Variants in PKD2 observed in about 807,000 individuals in gnomAD.
The protein encoded by PKD2 is polycystin 2, transient receptor potential cation channel.
A neutral mutation model predicts 105.9 loss-of-function variants in PKD2; 48 were observed. The observed-to-expected ratio is 0.45, with a 90% CI of 0.36 to 0.58. The LOEUF (loss-of-function observed/expected upper bound fraction) is 0.58, where lower values mean the gene tolerates loss of function less well. Ranked by LOEUF, PKD2 falls within the 20% of genes least tolerant of loss-of-function variation. The pLI, the probability that PKD2 is intolerant of heterozygous loss-of-function variation, is 0.00. For synonymous variants in PKD2, 464 were observed against 481.1 expected (o/e 0.96, Z 0.46); for missense variants, 1,078 against 1,255.3 (o/e 0.86, Z 2.13).
At chr4:88,073,550 T>C (rs1721118773) in intron 13 of PKD2, among the ~76,000 whole-genome samples, 1 of 150,546 alleles carries the variant, frequency 6.6e-6, no homozygotes, top group African/African-American at 2.4e-5. Context: ...AGTGGAAATG[T>C]TAGGATGAGA....
At chr4:88,067,605 G>C (rs1449876284) in intron 12 of PKD2, among the ~76,000 whole-genome samples, 1 of 152,132 alleles carries the variant, frequency 6.6e-6, no homozygotes, top group Admixed American at 6.5e-5. Context: ...CAAAGTATTA[G>C]GATTACAGGT....
In PKD2 at chr4:88,075,977, A is replaced by C; in HGVS notation, c.*283A>C. On this transcript the variant is annotated 3_prime_UTR_variant, in exon 15 of 15. Transcript: ENST00000237596. ...GTACGCCCAGTTGCCACCATGACTG[A>C]GTCTTCTCAGTTGACAATGAAGTAG... The C allele has an allele frequency of 5.4e-6, 2 of 367,902 alleles. No individual in the cohort carries two copies. The highest frequency in any genetic ancestry group is 1.0e-5 in the Non-Finnish European group (2 of 199,750). 22.8% of individuals were successfully genotyped at this position (367,902 alleles called of 1,614,324 possible). A position where few individuals can be genotyped will look rare whatever the true frequency, so the allele number is the denominator to read the frequency against.
At chr4:88,066,329 A>G (rs1181904616) in intron 12 of PKD2, among the ~76,000 whole-genome samples, 1 of 151,578 alleles carries the variant, frequency 6.6e-6, no homozygotes, top group Non-Finnish European at 1.5e-5. Context: ...TATTCTGGTT[A>G]GTTAGTGGCT....
At chr4:88,066,534 G>T (rs1257321042) in intron 12 of PKD2, among the ~76,000 whole-genome samples, 1 of 151,796 alleles carries the variant, frequency 6.6e-6, no homozygotes, top group Non-Finnish European at 1.5e-5. Context: ...GCTAATTTTT[G>T]TATTTGTAGT....
At chr4:88,050,718 AG>A (rs1457945102) in intron 6 of PKD2, among the ~76,000 whole-genome samples, 4 of 130,902 alleles carry the variant, frequency 3.1e-5, no homozygotes, top group African/African-American at 1.9e-4. Context: ...TCCTCATCTC[AG>A]GAGAAGCCTA....
At chr4:88,069,475 C>T (rs1720933135) in intron 13 of PKD2, among the ~76,000 whole-genome samples, 2 of 151,694 alleles carry the variant, frequency 1.3e-5, no homozygotes, top group Admixed American at 1.3e-4. Flanking sequence ...TTAGTTTATA[C>T]AATTAAGTTA....
rs139787413 is a variant in PKD2 at position 88,076,246 on chromosome 4, G to A, written c.*552G>A. 1.2e-3 allele frequency: 189 copies of A among 158,144 alleles called. No individual in the cohort carries two copies. Among genetic ancestry groups the A allele is most frequent in the Non-Finnish European group, 2.1e-3 (152 of 71,558 alleles). The allele number at this position is 158,144 out of a possible 1,614,324, so 9.8% of individuals were successfully genotyped here. On this transcript the variant is annotated 3_prime_UTR_variant, in exon 15 of 15. Coordinates refer to ENST00000237596, the MANE Select transcript of PKD2 (RefSeq NM_000297.4). ...GGAACTCCAAACTATGATAGAATCT[G>A]TGTGAATGGTTAAGATGAATGTTAA...
intron 4 of PKD2, 98 bp downstream of exon 4, chr4:88,038,599 G>T: frequency 7.8e-7 from 1 of 1,284,280 alleles, no homozygotes; most frequent in Non-Finnish European, 1.1e-6. Flanking sequence ...CTTCACCAAG[G>T]CAAAAATAAG....
At chr4:88,052,348 A>G (rs1465425897) in intron 7 of PKD2, among the ~76,000 whole-genome samples, 190 bp downstream of exon 7, 1 of 152,172 alleles carries the variant, frequency 6.6e-6, no homozygotes, top group Non-Finnish European at 1.5e-5. Context: ...AGCTCATTGC[A>G]GCCTCGACTT....
At chr4:88,010,788 A>T (rs978435712) in intron 1 of PKD2, among the ~76,000 whole-genome samples, 10 of 152,244 alleles carry the variant, frequency 6.6e-5, no homozygotes, top group Non-Finnish European at 1.3e-4. Flanking sequence ...TGAATCCAAG[A>T]TGGACAACAA....
chr4:88,075,651 T>C lies in PKD2; in HGVS notation c.2864T>C (p.Met955Thr), dbSNP rs1361444493. 6.2e-7 allele frequency: 1 copy of C among 1,614,094 alleles called. No individual in the cohort carries two copies. The highest frequency in any genetic ancestry group is 8.5e-7 in the Non-Finnish European group (1 of 1,179,974). Reference protein sequence around the residue: ...RPSSSQSTEGMEGAGGNGSSN... With the variant: ...RPSSSQSTEGTEGAGGNGSSN... ...TCTTCCTCCCAATCTACAGAAGGCATGGAAGGTGCAGGTGGAAATGGGAGT... is the reference window on the plus strand; with the variant it reads ...TCTTCCTCCCAATCTACAGAAGGCACGGAAGGTGCAGGTGGAAATGGGAGT... The change falls in exon 15 of 15, where the codon ATG becomes ACG. Residue 955 changes from methionine to threonine, a missense_variant. Met to Thr is a moderately conservative substitution (Grantham distance 81). Transcript: ENST00000237596.
At chr4:88,056,549 A>G (rs1009784596) in intron 8 of PKD2, among the ~76,000 whole-genome samples, 1 of 152,178 alleles carries the variant, frequency 6.6e-6, no homozygotes, top group Admixed American at 6.5e-5. Context: ...CTTTGCACCA[A>G]ATGCAGATGG....
chr4:88,072,540 C>A (rs1721073058), intron 13 of PKD2, among the ~76,000 whole-genome samples: 1 of 152,188 alleles, frequency 6.6e-6, no homozygotes, highest in South Asian at 2.1e-4. Flanking sequence ...TACTGCTTTA[C>A]AGAGCCAGGG....
intron 6 of PKD2, among the ~76,000 whole-genome samples, chr4:88,047,271 T>G (rs1727811849): frequency 6.6e-6 from 1 of 152,082 alleles, no homozygotes; most frequent in Admixed American, 6.6e-5. Flanking sequence ...TAAAAAAACT[T>G]GTCGGCCAGG....
intron 2 of PKD2, among the ~76,000 whole-genome samples, chr4:88,028,304 A>G (rs1727028116): frequency 6.6e-6 from 1 of 152,254 alleles, no homozygotes; most frequent in Non-Finnish European, 1.5e-5. Flanking sequence ...TGATAACAAG[A>G]TCAGTGAAGT....
intron 2 of PKD2, among the ~76,000 whole-genome samples, chr4:88,019,877 A>C (rs78039131): frequency 2.1e-3 from 327 of 152,348 alleles, no homozygotes; most frequent in African/African-American, 7.6e-3. Context: ...AATTGTGACT[A>C]AATTGTGACC....
Position 88,031,152 on chromosome 4 carries a change from A to G in PKD2, c.710-5068A>G, listed in dbSNP as rs75942010. 5.6e-3 allele frequency among the ~76,000 whole-genome samples: 859 copies of G among 152,310 alleles called. 6 individuals are homozygous for G. Among genetic ancestry groups the G allele is most frequent in the African/African-American group, 0.019 (799 of 41,574 alleles). ...ATGTGATTATGAGGGTAAGCGACCA[A>G]TACTCTACAGTGTATTGTATTGCCA... is the stretch of plus-strand genomic sequence containing the variant. On this transcript the variant is annotated intron_variant, in intron 2 of 14. Coordinates refer to ENST00000237596, the MANE Select transcript of PKD2 (RefSeq NM_000297.4).
At chr4:88,068,159 A>G in intron 13 of PKD2, 98 bp downstream of exon 13, 2 of 1,003,730 alleles carry the variant, frequency 2.0e-6, no homozygotes, top group South Asian at 1.3e-5. Context: ...TCCATTACTA[A>G]TCATCCAGCT....
chr4:88,009,653 T>A (rs1726318746), intron 1 of PKD2, among the ~76,000 whole-genome samples: 1 of 152,254 alleles, frequency 6.6e-6, no homozygotes, highest in Admixed American at 6.5e-5. Flanking sequence ...GAGATTCTTA[T>A]ACTAGTTAAT....
Sources: allele counts gnomAD v4.1 joint callset (sites outside exome capture counted in the v4.1 genomes callset), GRCh38; gene constraint gnomAD v4.1.1; transcripts MANE v1.5; gene names NCBI Gene and HGNC (gene_info 2026-07-23, HGNC 2026-07-21).